Variants in RMDN2 observed in about 807,000 individuals in gnomAD.
The protein encoded by RMDN2 is regulator of microtubule dynamics protein 2.
In RMDN2, 61 loss-of-function variants were observed where a neutral mutation model predicts 52.8. The ratio of observed to expected loss-of-function variants is 1.16; its 90% CI spans 0.94 to 1.43. RMDN2 has a LOEUF of 1.43. Among genes scored for constraint, RMDN2 ranks in the 40% most tolerant of loss-of-function variants. RMDN2 has a pLI of 0.00. For missense variants in RMDN2, 592 were observed against 475.3 expected, an observed-to-expected ratio of 1.25 and a Z score of -2.28; for synonymous variants, 180 against 153.1, an observed-to-expected ratio of 1.18 and a Z score of -1.30.
At chr2:37,962,016 C>G (rs918257629) in intron 2 of RMDN2, among the ~76,000 whole-genome samples, 1 of 152,230 alleles carries the variant, frequency 6.6e-6, no homozygotes, top group Non-Finnish European at 1.5e-5. Flanking sequence ...GTATCACCAG[C>G]AGAGGCTGCA....
chr2:38,012,931 C>T (rs185518732), intron 10 of RMDN2, among the ~76,000 whole-genome samples: 21 of 152,314 alleles, frequency 1.4e-4, no homozygotes, highest in Middle Eastern at 3.4e-3. Context: ...CATTTGTGGA[C>T]ATGTCTTCTG....
intron 8 of RMDN2, chr2:37,997,849 G>A (rs1056169067): frequency 1.8e-5 from 4 of 226,460 alleles, no homozygotes; most frequent in African/African-American, 4.7e-5. Context: ...AAACAGTCAC[G>A]CCCTGATGGT....
In RMDN2 at chr2:37,975,231, TTA is replaced by T. The variant is rs1672312446; in HGVS notation, c.649_650del (p.Met217ValfsTer12). On this transcript the variant is annotated frameshift_variant, in exon 4 of 11. Coordinates refer to ENST00000354545, the MANE Select transcript of RMDN2 (RefSeq NM_001170791.3). LOFTEE classifies it high-confidence loss of function. ...TTTCAGTTTAGAGATGAAATAGAGT[TTA>T]TGTGGCGATTTGCTCGTGCTTATGG... is the stretch of plus-strand genomic sequence containing the variant. 2 of 1,605,486 alleles carry T rather than the reference TTA, an allele frequency of 1.2e-6. No individual in the cohort carries two copies. Among genetic ancestry groups the T allele is most frequent in the African/African-American group, 2.7e-5 (2 of 74,760 alleles).
At chr2:37,928,388 G>A (rs1257975557) in intron 1 of RMDN2, among the ~76,000 whole-genome samples, 1 of 152,160 alleles carries the variant, frequency 6.6e-6, no homozygotes, top group Non-Finnish European at 1.5e-5. Context: ...CATTTGAAGT[G>A]TAAGAAACAA....
At chr2:38,053,164 T>G (rs1558590821) in intron 10 of RMDN2, among the ~76,000 whole-genome samples, 1 of 152,196 alleles carries the variant, frequency 6.6e-6, no homozygotes, top group Non-Finnish European at 1.5e-5. Context: ...TGACTAAAGA[T>G]TATCCCTACA....
chr2:38,056,001 C>T (rs1348734772), intron 10 of RMDN2, among the ~76,000 whole-genome samples: 2 of 152,202 alleles, frequency 1.3e-5, no homozygotes, highest in Non-Finnish European at 2.9e-5. Context: ...CACCCTGACA[C>T]ACACACAAAT....
In RMDN2 at chr2:37,969,894, C is replaced by T. The variant is rs77806663; in HGVS notation, c.453-4146C>T. Among the ~76,000 whole-genome samples the T allele has an allele frequency of 9.2e-4, 139 of 151,210 alleles. 2 individuals are homozygous for T. In the East Asian group the frequency reaches 0.023, roughly 25 times the overall value. Reference sequence around the variant, plus strand: ...CTTTTTTTTCTCTCCTGCTTGCTTCCTTGCTTTCTCTTTCTTTCCTTCCTT... The same window carrying T: ...CTTTTTTTTCTCTCCTGCTTGCTTCTTTGCTTTCTCTTTCTTTCCTTCCTT... On this transcript the variant is annotated intron_variant, in intron 2 of 10. Coordinates refer to ENST00000354545, the MANE Select transcript of RMDN2 (RefSeq NM_001170791.3).
chr2:38,048,536 G>A (rs1573232258), intron 10 of RMDN2, among the ~76,000 whole-genome samples: 1 of 152,190 alleles, frequency 6.6e-6, no homozygotes, highest in East Asian at 1.9e-4. Flanking sequence ...ATGTGAGCTG[G>A]CCCGGCCCTT....
chr2:38,061,634 T>TACAC (rs770985216), intron 10 of RMDN2, among the ~76,000 whole-genome samples: 3 of 105,476 alleles, frequency 2.8e-5, no homozygotes, highest in African/African-American at 1.1e-4. Context: ...TCACACACAG[T>TACAC]ACACACACAC....
chr2:37,923,084 T>C (rs1289254440), upstream of RMDN2: 2 of 152,220 alleles, frequency 1.3e-5, no homozygotes, highest in African/African-American at 4.8e-5. Context: ...CAGATATTCC[T>C]TTTAGACTGA....
chr2:37,968,010 CT>C (rs1234794423), intron 2 of RMDN2, among the ~76,000 whole-genome samples: 3 of 152,058 alleles, frequency 2.0e-5, no homozygotes, highest in Non-Finnish European at 2.9e-5. Context: ...CTTTTAATTC[CT>C]TTTTTCCGTG....
chr2:38,014,423 AT>A (rs1451561024), intron 10 of RMDN2, among the ~76,000 whole-genome samples: 1 of 152,216 alleles, frequency 6.6e-6, no homozygotes, highest in East Asian at 1.9e-4. Context: ...TATTGTTTAA[AT>A]TGATCTTAAA....
chr2:37,942,931 C>A (rs944606357), intron 2 of RMDN2, among the ~76,000 whole-genome samples: 18 of 152,072 alleles, frequency 1.2e-4, no homozygotes, highest in African/African-American at 4.3e-4. Flanking sequence ...TTAACTAGAA[C>A]CCTAACGGCC....
intron 10 of RMDN2, among the ~76,000 whole-genome samples, chr2:38,008,629 C>A (rs1313904524): frequency 1.3e-5 from 2 of 152,166 alleles, no homozygotes; most frequent in African/African-American, 4.8e-5. Context: ...TTCCTGAATA[C>A]AGCACACTGT....
chr2:38,013,987 A>G (rs1371330889), intron 10 of RMDN2, among the ~76,000 whole-genome samples: 2 of 152,110 alleles, frequency 1.3e-5, no homozygotes, highest in South Asian at 4.1e-4. Context: ...CGGGCGGATC[A>G]CCTGAGGTCG....
intron 2 of RMDN2, among the ~76,000 whole-genome samples, chr2:37,944,572 A>G (rs1668067461): frequency 6.6e-6 from 1 of 152,206 alleles, no homozygotes. Context: ...GGTCAAGTAA[A>G]ATAGGGACTG....
At chr2:37,969,496 A>C (rs1671511267) in intron 2 of RMDN2, among the ~76,000 whole-genome samples, 2 of 151,394 alleles carry the variant, frequency 1.3e-5, no homozygotes, top group Non-Finnish European at 2.9e-5. Context: ...TTTTTATAAA[A>C]TTATATTTTC....
At chr2:38,023,124 A>G (rs1481134686) in intron 10 of RMDN2, among the ~76,000 whole-genome samples, 1 of 152,226 alleles carries the variant, frequency 6.6e-6, no homozygotes, top group African/African-American at 2.4e-5. Context: ...ATGAGGAAGA[A>G]ACATTTGATA....
intron 2 of RMDN2, among the ~76,000 whole-genome samples, chr2:37,973,683 G>A (rs1375591808): frequency 6.6e-6 from 1 of 152,116 alleles, no homozygotes; most frequent in Non-Finnish European, 1.5e-5. Context: ...CTTGAAGGAG[G>A]TGAGGGCGTG....
Sources: allele counts gnomAD v4.1 joint callset (sites outside exome capture counted in the v4.1 genomes callset), GRCh38; gene constraint gnomAD v4.1.1; transcripts MANE v1.5; gene names NCBI Gene and HGNC (gene_info 2026-07-23, HGNC 2026-07-21).